The following ALCAM variants were observed in gnomAD, a reference collection of about 807,000 sequenced individuals.
ALCAM encodes the protein CD166 antigen.
ALCAM carries 30 observed loss-of-function variants against 70.9 expected under a neutral mutation model. The ratio of observed to expected loss-of-function variants is 0.42; its 90% CI spans 0.32 to 0.57. ALCAM has a LOEUF of 0.57. Among genes scored for constraint, ALCAM ranks in the 20% least tolerant of loss-of-function variants. ALCAM has a pLI of 0.11. For synonymous variants in ALCAM, 249 were observed against 242.5 expected (o/e 1.03, Z -0.25); for missense variants, 591 against 695.1 (o/e 0.85, Z 1.68).
intron 1 of ALCAM, among the ~76,000 whole-genome samples, chr3:105,430,959 ACTACTTATGGTTGGAAG>A (rs1441640880): frequency 6.6e-6 from 1 of 152,142 alleles, no homozygotes; most frequent in Non-Finnish European, 1.5e-5. Flanking sequence ...TATCTTTTGA[ACTACTTATGGTTGGAAG>A]TTCCTAGCAC....
At chr3:105,416,782 A>G (rs1022683202) in intron 1 of ALCAM, among the ~76,000 whole-genome samples, 4 of 151,982 alleles carry the variant, frequency 2.6e-5, no homozygotes, top group African/African-American at 9.7e-5. Context: ...TTACTGATAA[A>G]TGTTAATAAA....
At chr3:105,378,508 G>T (rs552672844) in intron 1 of ALCAM, among the ~76,000 whole-genome samples, 51 of 151,550 alleles carry the variant, frequency 3.4e-4, no homozygotes, top group Middle Eastern at 3.4e-3. Flanking sequence ...ATGGATCTAA[G>T]TATGAATAAC....
intron 1 of ALCAM, among the ~76,000 whole-genome samples, chr3:105,465,630 T>A (rs1937696058): frequency 6.6e-6 from 1 of 151,464 alleles, no homozygotes; most frequent in Admixed American, 6.6e-5. Flanking sequence ...AATAATTAAC[T>A]TGTTTACTTG....
intron 1 of ALCAM, among the ~76,000 whole-genome samples, chr3:105,471,095 T>C (rs1016147644): frequency 6.6e-6 from 1 of 151,342 alleles, no homozygotes; most frequent in Non-Finnish European, 1.5e-5. Flanking sequence ...AAGAAAACAA[T>C]AGGAAAGCCA....
intron 2 of ALCAM, among the ~76,000 whole-genome samples, chr3:105,521,307 CAAAAAAAAAAAA>C (rs3996196): frequency 2.6e-5 from 2 of 78,148 alleles, no homozygotes; most frequent in Admixed American, 1.7e-4. Context: ...GACTCCGTCT[CAAAAAAAAAAAA>C]AAAAAAAAAA....
chr3:105,388,882 A>G (rs1935724999), intron 1 of ALCAM, among the ~76,000 whole-genome samples: 1 of 151,622 alleles, frequency 6.6e-6, no homozygotes, highest in Non-Finnish European at 1.5e-5. Context: ...TAAAGATTGA[A>G]TGAGTATGTT....
chr3:105,381,728 G>A (rs1935525638), intron 1 of ALCAM, among the ~76,000 whole-genome samples: 2 of 151,526 alleles, frequency 1.3e-5, no homozygotes, highest in African/African-American at 4.8e-5. Context: ...TGTAGACTCT[G>A]TAGATTCAGA....
intron 1 of ALCAM, among the ~76,000 whole-genome samples, chr3:105,430,805 G>T (rs1284577162): frequency 1.3e-5 from 2 of 151,978 alleles, no homozygotes; most frequent in African/African-American, 4.8e-5. Flanking sequence ...TTTATGCTCT[G>T]CATGAGAGAC....
chr3:105,385,713 T>A (rs1935635359), intron 1 of ALCAM, among the ~76,000 whole-genome samples: 1 of 151,684 alleles, frequency 6.6e-6, no homozygotes. Context: ...ACAATGTGTG[T>A]CAAATTTTAC....
Position 105,524,382 on chromosome 3 carries a change from T to G in ALCAM, c.268T>G (p.Leu90Val), listed in dbSNP as rs777963062. 1 of 1,613,944 alleles carries G rather than the reference T, an allele frequency of 6.2e-7. No homozygotes were observed. ...CGATGTACCAGAATACAAAGACAGA[T>G]TGAACCTCTCAGAAAACTACACTTT... ...YDDVPEYKDR[L>V]NLSENYTLSI... Residue 90 changes from leucine (L) to valine (V), a missense_variant, in exon 3 of 16, where the codon TTG (leucine) becomes GTG (valine). Leu to Val is a conservative substitution (Grantham distance 32). Around this residue, in one of 2 missense-constraint regions of ALCAM, gnomAD observed 427 missense variants for 450.4 expected, o/e 0.95. Transcript: ENST00000306107.
chr3:105,473,132 C>G (rs1937982966), intron 1 of ALCAM, among the ~76,000 whole-genome samples: 1 of 151,286 alleles, frequency 6.6e-6, no homozygotes, highest in East Asian at 1.9e-4. Context: ...GAATGCTAAC[C>G]CATATAAAAA....
chr3:105,476,762 A>G (rs1418729789), intron 1 of ALCAM, among the ~76,000 whole-genome samples: 1 of 152,052 alleles, frequency 6.6e-6, no homozygotes, highest in Non-Finnish European at 1.5e-5. Flanking sequence ...GTCTCCAAAG[A>G]CATATACAAT....
intron 1 of ALCAM, among the ~76,000 whole-genome samples, chr3:105,502,325 AT>A (rs1162058838): frequency 6.6e-6 from 1 of 152,128 alleles, no homozygotes; most frequent in Non-Finnish European, 1.5e-5. Context: ...TTTATGTAGA[AT>A]TTTTTTTAAA....
chr3:105,507,673 G>A (rs764647598), intron 1 of ALCAM, among the ~76,000 whole-genome samples: 5 of 151,984 alleles, frequency 3.3e-5, no homozygotes, highest in Non-Finnish European at 7.4e-5. Flanking sequence ...ATCTGTTGAA[G>A]GACATCTTGT....
intron 14 of ALCAM, among the ~76,000 whole-genome samples, chr3:105,569,731 T>G (rs1310959220): frequency 2.6e-5 from 4 of 152,204 alleles, no homozygotes; most frequent in Admixed American, 2.6e-4. Flanking sequence ...TGGCTATTAT[T>G]CTCAAAGAGT....
chr3:105,370,979 C>T (rs1224429199), intron 1 of ALCAM, among the ~76,000 whole-genome samples: 1 of 152,128 alleles, frequency 6.6e-6, no homozygotes. Context: ...TGATTTGCAA[C>T]ATGGTTGTAA....
chr3:105,498,048 G>A (rs1451309488), intron 1 of ALCAM, among the ~76,000 whole-genome samples: 1 of 151,678 alleles, frequency 6.6e-6, no homozygotes, highest in African/African-American at 2.4e-5. Flanking sequence ...AAAAAAAAGG[G>A]GGGAAATTGG....
chr3:105,403,356 C>G (rs1373798877), intron 1 of ALCAM, among the ~76,000 whole-genome samples: 2 of 152,148 alleles, frequency 1.3e-5, no homozygotes, highest in Admixed American at 1.3e-4. Context: ...CTTCACTCCC[C>G]TGATACCTTC....
At chr3:105,536,305 G>A (rs1419814623) in intron 6 of ALCAM, among the ~76,000 whole-genome samples, 1 of 151,982 alleles carries the variant, frequency 6.6e-6, no homozygotes, top group Admixed American at 6.6e-5. Context: ...TGTTGGTCAG[G>A]TTGGTCTCGA....
Sources: gnomAD v4.1 joint callset for allele counts (sites outside exome capture counted in the v4.1 genomes callset) on GRCh38, gnomAD v4.1.1 for gene constraint, gnomAD v4.1.1 regional missense constraint, MANE v1.5 for transcripts, NCBI Gene and HGNC (gene_info 2026-07-23, HGNC 2026-07-21) for gene names.